Variants in FXYD7 observed in about 807,000 individuals in gnomAD.
FXYD7 encodes the protein FXYD domain-containing ion transport regulator 7.
A neutral mutation model predicts 15.3 loss-of-function variants in FXYD7; 7 were observed. The observed-to-expected ratio is 0.46, with a 90% CI of 0.26 to 0.86. The LOEUF (loss-of-function observed/expected upper bound fraction) is 0.86. Among genes scored for constraint, FXYD7 ranks in the 40% least tolerant of loss-of-function variants. FXYD7 has a pLI of 0.16. For missense variants in FXYD7, 78 were observed against 100.6 expected (o/e 0.78, Z 0.96); for synonymous variants, 39 against 39.3 (o/e 0.99, Z 0.03).
chr19:35,153,925 C>T lies in FXYD7; in HGVS notation c.*9C>T. 3 of 1,611,524 alleles carry T rather than the reference C, an allele frequency of 1.9e-6. No individual in the cohort carries two copies. The highest frequency in any genetic ancestry group is 2.2e-5 in the East Asian group (1 of 44,742). On this transcript the variant is annotated 3_prime_UTR_variant, in exon 6 of 6. Transcript: ENST00000270310. ...GTGGCGGCGGCGTGTAACACCTTCC[C>T]GAGGAAACTCCGCTGCCGACCCTGC...
At chr19:35,144,502 G>A (rs1344800100) in intron 1 of FXYD7, among the ~76,000 whole-genome samples, 1 of 152,212 alleles carries the variant, frequency 6.6e-6, no homozygotes, top group Non-Finnish European at 1.5e-5. Context: ...CCAGCACTGA[G>A]GGCAGGGGAC....
chr19:35,151,822 C>G lies in FXYD7; in HGVS notation c.220+149C>G, dbSNP rs1047556683. The G allele has an allele frequency of 5.8e-5, 41 of 711,570 alleles. 1 individual carries two copies. In the South Asian group the frequency reaches 6.2e-4, roughly 11 times the overall value. 44.1% of individuals were successfully genotyped at this position (711,570 alleles called of 1,614,324 possible). On this transcript the variant is annotated intron_variant, in intron 5 of 5. Transcript: ENST00000270310. ...TATCACAGGACAATTCCCTAGGAAG[C>G]TGAGGAAATTCCGCAGATGAAAGAT...
At chr19:35,147,777 G>A (rs540422289) in intron 1 of FXYD7, among the ~76,000 whole-genome samples, 8 of 151,832 alleles carry the variant, frequency 5.3e-5, no homozygotes, top group African/African-American at 1.4e-4. Flanking sequence ...GCAGATCATC[G>A]GAGGTCAGGA....
intron 1 of FXYD7, among the ~76,000 whole-genome samples, chr19:35,147,879 G>A (rs957596415): frequency 2.6e-5 from 4 of 151,660 alleles, no homozygotes; most frequent in African/African-American, 7.3e-5. Context: ...CTATAGTCCC[G>A]GTCCTTGGGA....
At chr19:35,148,162 G>C (rs897706121) in intron 1 of FXYD7, among the ~76,000 whole-genome samples, 2 of 152,152 alleles carry the variant, frequency 1.3e-5, no homozygotes, top group Admixed American at 1.3e-4. Context: ...GTAATGTGGG[G>C]TATGAATCAG....
At chr19:35,146,004 T>C (rs1331639023) in intron 1 of FXYD7, among the ~76,000 whole-genome samples, 1 of 152,212 alleles carries the variant, frequency 6.6e-6, no homozygotes, top group Non-Finnish European at 1.5e-5. Flanking sequence ...CTCAAACTTC[T>C]GGGCTCAAGC....
chr19:35,153,194 G>A (rs561071451), intron 5 of FXYD7, among the ~76,000 whole-genome samples: 2 of 151,526 alleles, frequency 1.3e-5, no homozygotes, highest in Admixed American at 6.6e-5. Flanking sequence ...CAAATAGCTG[G>A]GACTACAGGC....
At chr19:35,146,288 A>G (rs1295023460) in intron 1 of FXYD7, among the ~76,000 whole-genome samples, 1 of 151,988 alleles carries the variant, frequency 6.6e-6, no homozygotes, top group Non-Finnish European at 1.5e-5. Context: ...GCAGCGGCAC[A>G]CCACCACACC....
At position 35,144,313 on chromosome 19, in the gene FXYD7, C is replaced by T. The variant is rs533512260; in HGVS notation, c.31+949C>T. On this transcript the variant is annotated intron_variant, in intron 1 of 5. Coordinates refer to ENST00000270310, the MANE Select transcript of FXYD7 (RefSeq NM_022006.2). ...CTGTTGGGTATACACCTAGCTGCCCCTACTGCCCCCATCCAGCCACACACT... is the reference window on the plus strand; with the variant it reads ...CTGTTGGGTATACACCTAGCTGCCCTTACTGCCCCCATCCAGCCACACACT... Among the ~76,000 whole-genome samples the T allele has an allele frequency of 1.2e-4, 19 of 152,240 alleles. No homozygotes were observed. The South Asian group carries it at 3.5e-3, about 28-fold the overall frequency.
chr19:35,146,088 T>C (rs1199466356), intron 1 of FXYD7, among the ~76,000 whole-genome samples: 1 of 152,182 alleles, frequency 6.6e-6, no homozygotes, highest in Admixed American at 6.5e-5. Context: ...CAGGATTAGC[T>C]TTTGAAAACA....
chr19:35,150,582 G>A (rs997946241), intron 2 of FXYD7, among the ~76,000 whole-genome samples: 1 of 152,164 alleles, frequency 6.6e-6, no homozygotes, highest in Admixed American at 6.5e-5. Context: ...AAGGAGCCAC[G>A]TGGATATTTG....
intron 4 of FXYD7, 49 bp from the exon 5 acceptor site, chr19:35,151,584 T>A (rs1247826600): frequency 6.3e-6 from 10 of 1,598,742 alleles, no homozygotes; most frequent in Non-Finnish European, 8.6e-6. Context: ...CCAAAGCCTA[T>A]GGTTATTGAA....
chr19:35,150,531 G>A (rs2065305941), intron 2 of FXYD7, among the ~76,000 whole-genome samples: 1 of 152,206 alleles, frequency 6.6e-6, no homozygotes, highest in Non-Finnish European at 1.5e-5. Context: ...ACAGCCAGAG[G>A]TTTTGCTCAC....
intron 5 of FXYD7, 85 bp from the exon 6 acceptor site, chr19:35,153,809 T>G (rs969545827): frequency 7.0e-6 from 9 of 1,291,336 alleles, no homozygotes; most frequent in Admixed American, 6.8e-5. Context: ...GCTTCCATGG[T>G]GCCGGGGAAT....
Position 35,143,386 on chromosome 19 carries a change from G to C in FXYD7, c.31+22G>C, listed in dbSNP as rs756962530. 1.3e-6 allele frequency: 2 copies of C among 1,496,614 alleles called. No homozygotes were observed. Among genetic ancestry groups the C allele is most frequent in the South Asian group, 2.5e-5 (2 of 79,126 alleles). The allele number at this position is 1,496,614 out of a possible 1,614,324, so 92.7% of individuals were successfully genotyped here. On this transcript the variant is annotated intron_variant, in intron 1 of 5. Coordinates refer to ENST00000270310, the MANE Select transcript of FXYD7 (RefSeq NM_022006.2). The surrounding 1 kb of genome is among the most constrained non-coding windows in gnomAD (Gnocchi z 4.3). ...AAGGGTGAGCGTCGTTTGGGGAGGG[G>C]GTTGCAGGGGGGCTCCGGGATCTGA...
In FXYD7 at chr19:35,153,992, C is replaced by T; in HGVS notation, c.*76C>T. On this transcript the variant is annotated 3_prime_UTR_variant, in exon 6 of 6. Transcript: ENST00000270310. ...GAGGACCGGGTGGAGGCGGTGGGGACCCAGCCGCGCGCCGGGAGCGCTCCC... is the reference window on the plus strand; with the variant it reads ...GAGGACCGGGTGGAGGCGGTGGGGATCCAGCCGCGCGCCGGGAGCGCTCCC... 7.0e-7 allele frequency: 1 copy of T among 1,433,218 alleles called. No homozygotes were observed. Among genetic ancestry groups the T allele is most frequent in the Non-Finnish European group, 9.7e-7 (1 of 1,028,076 alleles). The allele number at this position is 1,433,218 out of a possible 1,614,324, so 88.8% of individuals were successfully genotyped here. A position where few individuals can be genotyped will look rare whatever the true frequency, so the allele number is the denominator to read the frequency against.
chr19:35,151,887 C>T (rs1306819268), intron 5 of FXYD7, among the ~76,000 whole-genome samples: 5 of 151,922 alleles, frequency 3.3e-5, no homozygotes, highest in Non-Finnish European at 7.4e-5. Context: ...GCCTGTAATT[C>T]CAACACTTTG....
At position 35,148,705 on chromosome 19, in the gene FXYD7, C is replaced by A. The variant is rs1318455447; in HGVS notation, c.43C>A (p.Pro15Thr). 1 of 1,585,354 alleles carries A rather than the reference C, an allele frequency of 6.3e-7. No individual in the cohort carries two copies. The highest frequency in any genetic ancestry group is 1.3e-5 in the African/African-American group (1 of 74,214). The change falls in exon 2 of 6, where the codon CCT becomes ACT. Residue 15 changes from proline (P) to threonine (T), a missense_variant. Coordinates refer to ENST00000270310, the MANE Select transcript of FXYD7 (RefSeq NM_022006.2). ...TQTPTKAPEEPDPFYYDYNTV... is the reference protein window; with the variant it reads ...TQTPTKAPEETDPFYYDYNTV... ...CTTCTTTCCCTCAGCTCCTGAGGAA[C>A]CTGACCCATTTTACTATGGTGAGTG...
intron 5 of FXYD7, among the ~76,000 whole-genome samples, chr19:35,153,032 C>CGTTTTTTTTTTTTTTTTTTTTTTTT (rs1568407782): frequency 3.4e-5 from 2 of 59,498 alleles, no homozygotes; most frequent in Non-Finnish European, 6.4e-5. Context: ...GTTTCACGTT[C>CGTTTTTTTTTTTTTTTTTTTTTTTT]CTTTTTTTTT....
Sources: gnomAD v4.1 joint callset for allele counts (sites outside exome capture counted in the v4.1 genomes callset) on GRCh38, gnomAD v4.1.1 for gene constraint, Gnocchi (gnomAD v3.1) non-coding constraint, MANE v1.5 for transcripts, NCBI Gene and HGNC (gene_info 2026-07-23, HGNC 2026-07-21) for gene names.